Variants in C1QL1 observed in about 807,000 individuals in gnomAD.
C1QL1 encodes C1q-related factor.
C1QL1 carries 15 observed loss-of-function variants against 14.2 expected under a neutral mutation model. The ratio of observed to expected loss-of-function variants is 1.06; its 90% confidence interval spans 0.71 to 1.62. The LOEUF is 1.62. C1QL1 is among the 40% of genes most tolerant of loss of function. C1QL1 has a pLI of 0.00. For missense variants in C1QL1, 346 were observed against 380.3 expected (o/e 0.91, Z 0.75); for synonymous variants, 172 against 172.4 (o/e 1.00, Z 0.02).
At chr17:44,961,092 C>T (rs2052624981) in intron 1 of C1QL1, among the ~76,000 whole-genome samples, 1 of 152,228 alleles carries the variant, frequency 6.6e-6, no homozygotes, top group Non-Finnish European at 1.5e-5. Context: ...TCCTGTCTCA[C>T]CTCAGGGTGG....
At chr17:44,965,956 C>G (rs2052655147) in intron 1 of C1QL1, among the ~76,000 whole-genome samples, 1 of 152,180 alleles carries the variant, frequency 6.6e-6, no homozygotes, top group African/African-American at 2.4e-5. Context: ...CTGGGGCCTC[C>G]CATTTGGTCA....
In C1QL1 at chr17:44,967,343, C is replaced by T; in HGVS notation, c.597+109G>A. ...GCGGGGCCGCTGTGGGGTGGGATCT[C>T]CACCTGCGTCCGCCTGGCGCCCCCG... is the stretch of plus-strand genomic sequence containing the variant. On this transcript the variant is annotated intron_variant, in intron 1 of 1. Coordinates refer to ENST00000253407, the MANE Select transcript of C1QL1 (RefSeq NM_006688.5). This position sits in a 1 kb window ranked among gnomAD's most constrained non-coding sequence, Gnocchi z 7.0. 1 of 1,191,756 alleles carries T rather than the reference C, an allele frequency of 8.4e-7. No individual in the cohort carries two copies. The highest frequency in any genetic ancestry group is 2.3e-5 in the Admixed American group (1 of 43,482). The allele number at this position is 1,191,756 out of a possible 1,614,324, so 73.8% of individuals were successfully genotyped here.
chr17:44,962,583 T>A (rs2052634448), intron 1 of C1QL1, among the ~76,000 whole-genome samples: 1 of 152,130 alleles, frequency 6.6e-6, no homozygotes, highest in South Asian at 2.1e-4. Context: ...AAACATTAGA[T>A]CTTGATGGGG....
At position 44,967,980 on chromosome 17, in the gene C1QL1, C is replaced by A; in HGVS notation, c.69G>T (p.Glu23Asp). The change falls in exon 1 of 2, where the codon GAG becomes GAT. Residue 23 changes from glutamate to aspartate, a missense_variant. Physicochemically the swap from Glu to Asp is conservative, Grantham distance 45. Transcript: ENST00000253407. The surrounding 1 kb of genome is among the most constrained non-coding windows in gnomAD (Gnocchi z 7.0). Reference protein sequence around the residue: ...VSSGGPEGHYEMLGTCRMVCD... With the variant: ...VSSGGPEGHYDMLGTCRMVCD... ...ACACCATGCGGCAGGTGCCCAGCATCTCATAGTGGCCTTCCGGGCCGCCCG... is the reference window on the plus strand; with the variant it reads ...ACACCATGCGGCAGGTGCCCAGCATATCATAGTGGCCTTCCGGGCCGCCCG... 1.5e-6 allele frequency: 2 copies of A among 1,373,544 alleles called. No homozygotes were observed. The highest frequency in any genetic ancestry group is 1.7e-5 in the South Asian group (1 of 57,198). The allele number at this position is 1,373,544 out of a possible 1,614,324, so 85.1% of individuals were successfully genotyped here. A position where few individuals can be genotyped will look rare whatever the true frequency, so the allele number is the denominator to read the frequency against.
In C1QL1 at chr17:44,967,601, C is replaced by A. The variant is rs1447990695; in HGVS notation, c.448G>T (p.Asp150Tyr). Residue 150 changes from aspartate to tyrosine, a missense_variant, in exon 1 of 2, where the codon GAC becomes TAC. Asp to Tyr is a radical substitution (Grantham distance 160, BLOSUM62 -3). Coordinates refer to ENST00000253407, the MANE Select transcript of C1QL1 (RefSeq NM_006688.5). This position sits in a 1 kb window ranked among gnomAD's most constrained non-coding sequence, Gnocchi z 7.0. ...TTGTTGCCTAGGTTGGTGACCACGT[C>A]GTCAAACTTGAGTACCTCGTAACCC... The part of the protein sequence containing the change: ...HEGYEVLKFD[D>Y]VVTNLGNNYD... 6.2e-7 allele frequency: 1 copy of A among 1,614,080 alleles called. No homozygotes were observed. The highest frequency in any genetic ancestry group is 8.5e-7 in the Non-Finnish European group (1 of 1,179,932).
rs570543671 is a variant in C1QL1, at chr17:44,959,830, A to C, written c.*358T>G. 9.3e-5 allele frequency: 20 copies of C among 215,126 alleles called. No individual in the cohort carries two copies. The highest frequency in any genetic ancestry group is 3.7e-4 in the African/African-American group (16 of 42,812). 13.3% of individuals were successfully genotyped at this position (215,126 alleles called of 1,614,324 possible). On this transcript the variant is annotated 3_prime_UTR_variant, in exon 2 of 2. Coordinates refer to ENST00000253407, the MANE Select transcript of C1QL1 (RefSeq NM_006688.5). ...CGCCACCCCGGAGGGAGCGGAGGGC[A>C]GCTCATCTCAGAGCGCAGGAAGCAA...
intron 1 of C1QL1, among the ~76,000 whole-genome samples, chr17:44,964,556 G>C (rs562897290): frequency 6.6e-6 from 1 of 152,214 alleles, no homozygotes; most frequent in African/African-American, 2.4e-5. Flanking sequence ...CATCAGCTGG[G>C]CTCCCAGCCC....
At chr17:44,960,428 G>A in intron 1 of C1QL1, 61 bp from the exon 2 acceptor site, 1 of 1,258,380 alleles carries the variant, frequency 7.9e-7, no homozygotes, top group Non-Finnish European at 1.2e-6. Flanking sequence ...AGGGAGGGAG[G>A]TGAGGCAGTC....
At position 44,967,923 on chromosome 17, in the gene C1QL1, G is replaced by C. The variant is rs767909747; in HGVS notation, c.126C>G (p.Ala42=). The change falls in exon 1 of 2, where the codon GCC becomes GCG. Residue 42 remains alanine (A), a synonymous_variant. Coordinates refer to ENST00000253407, the MANE Select transcript of C1QL1 (RefSeq NM_006688.5). The surrounding 1 kb of genome is among the most constrained non-coding windows in gnomAD (Gnocchi z 7.0). Reference sequence around the variant, plus strand: ...CGTCGCCGCCGTCGGTCCGCGCGCCGGCGCCGGGGCCCCGCGCGGGGTAGG... The same window carrying C: ...CGTCGCCGCCGTCGGTCCGCGCGCCCGCGCCGGGGCCCCGCGCGGGGTAGG... ...CDPYPARGPG[A]GARTDGGDAL... 1.6e-6 allele frequency: 2 copies of C among 1,267,674 alleles called. No homozygotes were observed. The highest frequency in any genetic ancestry group is 2.0e-6 in the Non-Finnish European group (2 of 1,011,816). The allele number at this position is 1,267,674 out of a possible 1,614,324, so 78.5% of individuals were successfully genotyped here.
In C1QL1 at chr17:44,959,994, C is replaced by A; in HGVS notation, c.*194G>T. Reference sequence around the variant, plus strand: ...GGTTCCCTGGCACGGGGACAGGGCGCGCTGGGCCCGGCTCTGCAGCGAGCC... The same window carrying A: ...GGTTCCCTGGCACGGGGACAGGGCGAGCTGGGCCCGGCTCTGCAGCGAGCC... On this transcript the variant is annotated 3_prime_UTR_variant, in exon 2 of 2. Coordinates refer to ENST00000253407, the MANE Select transcript of C1QL1 (RefSeq NM_006688.5). 3.4e-6 allele frequency: 2 copies of A among 582,780 alleles called. No homozygotes were observed. Among genetic ancestry groups the A allele is most frequent in the Non-Finnish European group, 6.1e-6 (2 of 330,522 alleles). 36.1% of individuals were successfully genotyped at this position (582,780 alleles called of 1,614,324 possible).
intron 1 of C1QL1, among the ~76,000 whole-genome samples, chr17:44,964,081 A>G (rs1382770808): frequency 1.3e-5 from 2 of 152,144 alleles, no homozygotes; most frequent in Admixed American, 1.3e-4. Context: ...GCTACCCCTA[A>G]GGACTGGGGC....
Position 44,959,870 on chromosome 17 carries a change from C to T in C1QL1, c.*318G>A, listed in dbSNP as rs2052617232. 3.8e-6 allele frequency: 1 copy of T among 265,474 alleles called. No homozygotes were observed. Among genetic ancestry groups the T allele is most frequent in the Non-Finnish European group, 7.1e-6 (1 of 141,738 alleles). 16.4% of individuals were successfully genotyped at this position (265,474 alleles called of 1,614,324 possible). ...GCAGGAAGCAAACCCGCCGCCGCGA[C>T]CTCTCCCCAGGCTGGGGTGGGCTGG... is the stretch of plus-strand genomic sequence containing the variant. On this transcript the variant is annotated 3_prime_UTR_variant, in exon 2 of 2. Coordinates refer to ENST00000253407, the MANE Select transcript of C1QL1 (RefSeq NM_006688.5).
intron 1 of C1QL1, among the ~76,000 whole-genome samples, chr17:44,962,260 A>C (rs1309334815): frequency 6.6e-6 from 1 of 152,222 alleles, no homozygotes; most frequent in East Asian, 1.9e-4. Context: ...GCAGCACTGC[A>C]GGTCAGCTGT....
Position 44,967,306 on chromosome 17 carries a change from C to T in C1QL1, c.597+146G>A, listed in dbSNP as rs530619406. The T allele has an allele frequency of 2.4e-6, 2 of 836,714 alleles. No individual in the cohort carries two copies. Among genetic ancestry groups the T allele is most frequent in the East Asian group, 5.3e-5 (2 of 37,538 alleles). The allele number at this position is 836,714 out of a possible 1,614,324, so 51.8% of individuals were successfully genotyped here. A position where few individuals can be genotyped will look rare whatever the true frequency, so the allele number is the denominator to read the frequency against. ...TCCGCTGGCTCCGACCATCCCCACA[C>T]GTGATGACCAAGCGGGGCCGCTGTG... On this transcript the variant is annotated intron_variant, in intron 1 of 1. Coordinates refer to ENST00000253407, the MANE Select transcript of C1QL1 (RefSeq NM_006688.5). The surrounding 1 kb of genome is among the most constrained non-coding windows in gnomAD (Gnocchi z 7.0).
In C1QL1 at chr17:44,968,089, G is replaced by T; in HGVS notation, c.-41C>A. On this transcript the variant is annotated 5_prime_UTR_variant, in exon 1 of 2. Transcript: ENST00000253407. ...GGCCGCTAGCAGCGTCTTTCGGCCC[G>T]CGCGGAGCCTGGGGAGCGCCGGGCC... 1 of 1,235,130 alleles carries T rather than the reference G, an allele frequency of 8.1e-7. No individual in the cohort carries two copies. Among genetic ancestry groups the T allele is most frequent in the Non-Finnish European group, 1.0e-6 (1 of 981,444 alleles). 76.5% of individuals were successfully genotyped at this position (1,235,130 alleles called of 1,614,324 possible). A position where few individuals can be genotyped will look rare whatever the true frequency, so the allele number is the denominator to read the frequency against.
chr17:44,966,943 G>A (rs1396708490), intron 1 of C1QL1, among the ~76,000 whole-genome samples: 1 of 152,234 alleles, frequency 6.6e-6, no homozygotes, highest in Non-Finnish European at 1.5e-5. Context: ...AGCCAGGGCT[G>A]TAAGCACCGG....
Position 44,967,949 on chromosome 17 carries a change from G to C in C1QL1, c.100C>G (p.Pro34Ala). 1 of 1,329,434 alleles carries C rather than the reference G, an allele frequency of 7.5e-7. No individual in the cohort carries two copies. Among genetic ancestry groups the C allele is most frequent in the Non-Finnish European group, 9.6e-7 (1 of 1,042,848 alleles). The allele number at this position is 1,329,434 out of a possible 1,614,324, so 82.4% of individuals were successfully genotyped here. Residue 34 changes from proline (P) to alanine (A), a missense_variant, in exon 1 of 2, where the codon CCC becomes GCC. Physicochemically the swap from Pro to Ala is conservative, Grantham distance 27. Coordinates refer to ENST00000253407, the MANE Select transcript of C1QL1 (RefSeq NM_006688.5). This position sits in a 1 kb window ranked among gnomAD's most constrained non-coding sequence, Gnocchi z 7.0. ...GCGCCGGGGCCCCGCGCGGGGTAGG[G>C]GTCGCACACCATGCGGCAGGTGCCC... ...MLGTCRMVCD[P>A]YPARGPGAGA...
intron 1 of C1QL1, among the ~76,000 whole-genome samples, chr17:44,962,927 G>C (rs1235556012): frequency 2.0e-5 from 3 of 152,212 alleles, no homozygotes; most frequent in Non-Finnish European, 4.4e-5. Context: ...TGGAGGCAGA[G>C]AGAATTTATG....
At position 44,967,111 on chromosome 17, in the gene C1QL1, C is replaced by T. The variant is rs1340080604; in HGVS notation, c.597+341G>A. On this transcript the variant is annotated intron_variant, in intron 1 of 1. Transcript: ENST00000253407. This position sits in a 1 kb window ranked among gnomAD's most constrained non-coding sequence, Gnocchi z 7.0. ...CCCTCCCCTTATCGCCCACTGCTGT[C>T]GGCCCGAATCCACTTCCCAAGGGGC... Among the ~76,000 whole-genome samples the T allele has an allele frequency of 6.6e-6, 1 of 152,242 alleles. No homozygotes were observed. Among genetic ancestry groups the T allele is most frequent in the Non-Finnish European group, 1.5e-5 (1 of 68,042 alleles).
Sources: allele counts gnomAD v4.1 joint callset (sites outside exome capture counted in the v4.1 genomes callset), GRCh38; gene constraint gnomAD v4.1.1; non-coding constraint Gnocchi (gnomAD v3.1); transcripts MANE v1.5; gene names NCBI Gene and HGNC (gene_info 2026-07-23, HGNC 2026-07-21).